Variants in SARNP observed in about 807,000 individuals in gnomAD.
SARNP encodes the protein SAP domain containing ribonucleoprotein.
Under a neutral mutation model 38.1 loss-of-function variants are expected in SARNP, and 5 were observed. The ratio of observed to expected loss-of-function variants is 0.13; its 90% CI spans 0.07 to 0.28. The LOEUF (loss-of-function observed/expected upper bound fraction) is 0.28. Ranked by LOEUF, SARNP falls within the 10% of genes least tolerant of loss-of-function variation. SARNP has a pLI of 1.00. For synonymous variants in SARNP, 84 were observed against 80.6 expected (o/e 1.04, Z -0.23); for missense variants, 180 against 243.9 (o/e 0.74, Z 1.75).
At chr12:55,793,370 T>A (rs1478666145) in intron 7 of SARNP, 2 of 152,060 alleles carry the variant, frequency 1.3e-5, no homozygotes, top group Non-Finnish European at 2.9e-5. Flanking sequence ...CAAAAAGAAA[T>A]AAATCATTCA....
chr12:55,776,328 T>C (rs1177689936), intron 9 of SARNP, among the ~76,000 whole-genome samples: 1 of 151,962 alleles, frequency 6.6e-6, no homozygotes, highest in Non-Finnish European at 1.5e-5. Flanking sequence ...CAGCTACTTG[T>C]TGGGGATGAG....
intron 4 of SARNP, among the ~76,000 whole-genome samples, chr12:55,799,185 A>G (rs182531447): frequency 1.9e-4 from 29 of 152,342 alleles, no homozygotes; most frequent in African/African-American, 7.0e-4. Context: ...GGATACAAAG[A>G]GTACTTAATT....
chr12:55,781,714 T>C (rs1879347393), intron 9 of SARNP, among the ~76,000 whole-genome samples: 1 of 152,116 alleles, frequency 6.6e-6, no homozygotes, highest in Non-Finnish European at 1.5e-5. Flanking sequence ...TTCAACCTTT[T>C]TATATTCTTT....
intron 9 of SARNP, among the ~76,000 whole-genome samples, chr12:55,783,541 T>A (rs888563142): frequency 6.6e-6 from 1 of 151,458 alleles, no homozygotes; most frequent in African/African-American, 2.4e-5. Flanking sequence ...AACAGACTTT[T>A]CTTGGGCAGA....
At chr12:55,774,559 G>GAAA (rs71074857) in intron 9 of SARNP, among the ~76,000 whole-genome samples, 5 of 85,856 alleles carry the variant, frequency 5.8e-5, no homozygotes, top group East Asian at 3.1e-4. Context: ...CGTCTCTACT[G>GAAA]AAAAAAAAAA....
intron 9 of SARNP, among the ~76,000 whole-genome samples, chr12:55,772,611 C>A (rs865878078): frequency 1.3e-5 from 2 of 152,156 alleles, no homozygotes; most frequent in African/African-American, 4.8e-5. Flanking sequence ...TATTAAAAGT[C>A]CCCATCTCCC....
intron 10 of SARNP, 193 bp downstream of exon 10, chr12:55,760,358 G>C (rs1878637436): frequency 3.7e-6 from 2 of 542,394 alleles, no homozygotes; most frequent in South Asian, 5.8e-5. Flanking sequence ...AAATAATTAA[G>C]AAGTAGGTGG....
rs917164843 is a variant in SARNP, at chr12:55,783,066, C to T, written c.501+6009G>A. Among the ~76,000 whole-genome samples, 9 of 151,918 alleles carry T rather than the reference C, an allele frequency of 5.9e-5. No homozygotes were observed. In the East Asian group the frequency reaches 7.8e-4, roughly 13 times the overall value. On this transcript the variant is annotated intron_variant, in intron 9 of 10. Transcript: ENST00000336133. The stretch of plus-strand genomic sequence containing the variant: ...CTGAGGCTGCAGTGAGCTATCATTG[C>T]GCCACTGTACTCCAGCCTGGGTGAC...
chr12:55,812,740 A>T (rs147976646), intron 1 of SARNP, among the ~76,000 whole-genome samples: 231 of 152,368 alleles, frequency 1.5e-3, no homozygotes, highest in African/African-American at 5.4e-3. Context: ...AAATTCTACT[A>T]CATCCTAAAT....
intron 10 of SARNP, 44 bp downstream of exon 10, chr12:55,760,507 A>C: frequency 9.6e-7 from 1 of 1,042,726 alleles, no homozygotes. Flanking sequence ...TATTCACTCT[A>C]ATTTCCCTTC....
intron 9 of SARNP, among the ~76,000 whole-genome samples, chr12:55,775,706 A>C (rs1020409958): frequency 2.0e-5 from 3 of 152,118 alleles, no homozygotes; most frequent in Non-Finnish European, 4.4e-5. Context: ...TATTCCCCTT[A>C]AAACATCTCC....
At chr12:55,798,864 C>G (rs1162839284) in intron 4 of SARNP, among the ~76,000 whole-genome samples, 1 of 151,982 alleles carries the variant, frequency 6.6e-6, no homozygotes, top group Non-Finnish European at 1.5e-5. Context: ...AAAAAGAGAC[C>G]ACTTCCTAGG....
chr12:55,763,812 A>G (rs1484183437), intron 9 of SARNP, among the ~76,000 whole-genome samples: 1 of 152,186 alleles, frequency 6.6e-6, no homozygotes, highest in East Asian at 1.9e-4. Context: ...CATTTCATAG[A>G]TAGGAAAATT....
At chr12:55,752,747 C>G (rs1011446181), downstream of SARNP, 1 of 152,036 alleles carries the variant, frequency 6.6e-6, no homozygotes, top group South Asian at 2.1e-4. Context: ...AAAAGGCCAT[C>G]AGGCAGTTTT....
At chr12:55,798,550 G>A (rs572232220) in intron 4 of SARNP, among the ~76,000 whole-genome samples, 1 of 152,128 alleles carries the variant, frequency 6.6e-6, no homozygotes, top group Non-Finnish European at 1.5e-5. Context: ...GATGTTAAAT[G>A]TACATCCTCT....
intron 9 of SARNP, among the ~76,000 whole-genome samples, chr12:55,774,962 C>CTGCAACCTCCACCTCCCA (rs1879132723): frequency 6.8e-6 from 1 of 147,276 alleles, no homozygotes; most frequent in South Asian, 2.2e-4. Flanking sequence ...TCTTGGCTCA[C>CTGCAACCTCCACCTCCCA]TGCAACCTCC....
At chr12:55,813,702 G>A (rs1459043217) in intron 1 of SARNP, among the ~76,000 whole-genome samples, 3 of 151,968 alleles carry the variant, frequency 2.0e-5, no homozygotes, top group East Asian at 1.9e-4. Context: ...GTGCCATCAC[G>A]CCCAGCTAAT....
chr12:55,793,321 A>G (rs917368105), intron 7 of SARNP: 7 of 152,206 alleles, frequency 4.6e-5, no homozygotes, highest in Non-Finnish European at 8.8e-5. Flanking sequence ...TACAAAAGTG[A>G]TACATATTCA....
chr12:55,790,922 T>C (rs1487332791), intron 7 of SARNP, among the ~76,000 whole-genome samples: 1 of 152,226 alleles, frequency 6.6e-6, no homozygotes, highest in Non-Finnish European at 1.5e-5. Context: ...GCATTATTCA[T>C]ATTAGACAAA....
Sources: gnomAD v4.1 joint callset for allele counts (sites outside exome capture counted in the v4.1 genomes callset) on GRCh38, gnomAD v4.1.1 for gene constraint, MANE v1.5 for transcripts, NCBI Gene and HGNC (gene_info 2026-07-23, HGNC 2026-07-21) for gene names.